The following ULK1 variants were observed in gnomAD, a reference collection of about 807,000 sequenced individuals.
ULK1 encodes the protein serine/threonine-protein kinase ULK1.
ULK1 carries 48 observed loss-of-function variants against 117.5 expected under a neutral mutation model. The ratio of observed to expected loss-of-function variants is 0.41; its 90% confidence interval spans 0.32 to 0.52. ULK1 has a LOEUF of 0.52. Among genes scored for constraint, ULK1 ranks in the 20% least tolerant of loss-of-function variants. The pLI, the probability that ULK1 is intolerant of heterozygous loss-of-function variation, is 0.29. For missense variants in ULK1, 1,387 were observed against 1,473.4 expected, an observed-to-expected ratio of 0.94 and a Z score of 0.96; for synonymous variants, 790 against 637.8, an observed-to-expected ratio of 1.24 and a Z score of -3.60.
rs1199666959 is a variant in ULK1 at position 131,916,863 on chromosome 12, CAT to C, written c.2073-89_2073-88del. On this transcript the variant is annotated intron_variant, in intron 20 of 27. Transcript: ENST00000321867. ...CGAGGTGGGCCAGGAGACCGTGCAT[CAT>C]GTGTGTCTGGCCTGCAGAGGGACCT... The C allele has an allele frequency of 6.6e-6, 8 of 1,212,892 alleles. No individual in the cohort carries two copies. In the Admixed American group the frequency reaches 1.0e-4, roughly 15 times the overall value. The allele number at this position is 1,212,892 out of a possible 1,614,324, so 75.1% of individuals were successfully genotyped here.
chr12:131,895,426 G>T (rs1321715812), intron 1 of ULK1, among the ~76,000 whole-genome samples, 175 bp from the exon 2 acceptor site: 1 of 151,680 alleles, frequency 6.6e-6, no homozygotes, highest in African/African-American at 2.4e-5. Context: ...GGCTTTCGAG[G>T]CTGGATCCCT....
chr12:131,921,087 T>A lies in ULK1; in HGVS notation c.2962-13T>A. On this transcript the variant is annotated splice_polypyrimidine_tract_variant and intron_variant, in intron 26 of 27. Coordinates refer to ENST00000321867, the MANE Select transcript of ULK1 (RefSeq NM_003565.4). Reference sequence around the variant, plus strand: ...GTGAGCTGGCCCTGTCCAGCCTCTGTCCTCGCCCCCAGGTGCAGTCGGCTG... The same window carrying A: ...GTGAGCTGGCCCTGTCCAGCCTCTGACCTCGCCCCCAGGTGCAGTCGGCTG... 6.3e-7 allele frequency: 1 copy of A among 1,581,614 alleles called. No individual in the cohort carries two copies. The highest frequency in any genetic ancestry group is 1.1e-5 in the South Asian group (1 of 89,704).
In ULK1 at chr12:131,921,139, G is replaced by A; in HGVS notation, c.3001G>A (p.Glu1001Lys). The change falls in exon 27 of 28, where the codon GAG becomes AAG. Residue 1001 changes from glutamate (E) to lysine (K), a missense_variant. Physicochemically the swap from Glu to Lys is moderately conservative, Grantham distance 56. Transcript: ENST00000321867. The stretch of plus-strand genomic sequence containing the variant: ...CCTGGACGAGATGTTCCAGCACCGT[G>A]AGGGCTGCGTCCCACGCTACCACAA... ...AALDEMFQHREGCVPRYHKAL... is the reference protein window; with the variant it reads ...AALDEMFQHRKGCVPRYHKAL... 10 of 1,603,338 alleles carry A rather than the reference G, an allele frequency of 6.2e-6. No individual in the cohort carries two copies. The highest frequency in any genetic ancestry group is 8.5e-6 in the Non-Finnish European group (10 of 1,179,668).
intron 1 of ULK1, 135 bp from the exon 2 acceptor site, chr12:131,895,466 C>A: frequency 1.4e-6 from 1 of 731,348 alleles, no homozygotes; most frequent in Non-Finnish European, 2.2e-6. Flanking sequence ...GATCCTCAAC[C>A]TGGCTCCCCA....
intron 8 of ULK1, 22 bp downstream of exon 8, chr12:131,909,259 C>T: frequency 6.5e-7 from 1 of 1,550,094 alleles, no homozygotes; most frequent in Non-Finnish European, 8.7e-7. Flanking sequence ...TGGCCCTGCT[C>T]CCCACGCCGC....
At chr12:131,895,296 A>G (rs1463786846) in intron 1 of ULK1, among the ~76,000 whole-genome samples, 184 bp downstream of exon 1, 8 of 132,800 alleles carry the variant, frequency 6.0e-5, no homozygotes, top group Non-Finnish European at 1.3e-4. Flanking sequence ...TCCAGTTCAG[A>G]CTCCCGCCCC....
In ULK1 at chr12:131,895,608, A is replaced by G. The variant is rs560873224; in HGVS notation, c.119A>G (p.Asp40Gly). 1.9e-6 allele frequency: 3 copies of G among 1,613,806 alleles called. No individual in the cohort carries two copies. Among genetic ancestry groups the G allele is most frequent in the Admixed American group, 3.3e-5 (2 of 59,996 alleles). The change falls in exon 2 of 28, where the codon GAT (aspartate) becomes GGT (glycine). Residue 40 changes from aspartate to glycine, a missense_variant. This residue lies in a region of ULK1 where 224 missense variants were observed against 325.2 expected (regional missense o/e 0.69). Transcript: ENST00000321867. ...TGCACGTTTGGCTTTCAGAAGCACG[A>G]TTTGGAGGTCGCCGTCAAGTGCATT... ...VFKGRHREKH[D>G]LEVAVKCINK...
chr12:131,913,205 G>C lies in ULK1; in HGVS notation c.1104G>C (p.Leu368=). Residue 368 remains leucine, a synonymous_variant, in exon 14 of 28, where the codon CTG becomes CTC. Coordinates refer to ENST00000321867, the MANE Select transcript of ULK1 (RefSeq NM_003565.4). The stretch of plus-strand genomic sequence containing the variant: ...CCTTGTCTCCCCCTGCAGGTGACCT[G>C]GTGGCTGAGGCGCCCAGTGCCAAAC... The part of the protein sequence containing the change: ...VMVPAQFPGD[L]VAEAPSAKPP... The C allele has an allele frequency of 6.3e-7, 1 of 1,585,122 alleles. No homozygotes were observed. Among genetic ancestry groups the C allele is most frequent in the South Asian group, 1.1e-5 (1 of 87,954 alleles).
intron 3 of ULK1, among the ~76,000 whole-genome samples, chr12:131,899,194 A>G (rs1197779252): frequency 1.4e-5 from 2 of 147,184 alleles, no homozygotes; most frequent in East Asian, 2.1e-4. Context: ...TATTTTATAT[A>G]TACGTTTTTC....
chr12:131,906,050 G>A (rs774780281), intron 3 of ULK1, among the ~76,000 whole-genome samples: 26 of 152,170 alleles, frequency 1.7e-4, no homozygotes, highest in African/African-American at 3.9e-4. Context: ...GCTGGAGGCC[G>A]CAGGCCTCTG....
chr12:131,910,920 C>A, intron 12 of ULK1, 120 bp downstream of exon 12: 1 of 1,486,752 alleles, frequency 6.7e-7, no homozygotes, highest in Non-Finnish European at 9.0e-7. Context: ...TCACGAAAGA[C>A]ATGGATGAGT....
At chr12:131,918,849 T>A (rs900297308) in intron 23 of ULK1, among the ~76,000 whole-genome samples, 168 bp downstream of exon 23, 1 of 14,976 alleles carries the variant, frequency 6.7e-5, no homozygotes. Flanking sequence ...GGGTGTCGGG[T>A]GTGTGGGGTG....
In ULK1 at chr12:131,908,889, C is replaced by T. The variant is rs1889396087; in HGVS notation, c.491-9C>T. On this transcript the variant is annotated splice_polypyrimidine_tract_variant and intron_variant, in intron 6 of 27. Coordinates refer to ENST00000321867, the MANE Select transcript of ULK1 (RefSeq NM_003565.4). The stretch of plus-strand genomic sequence containing the variant: ...GGCCGGCGCCGGTCCTGACGCTTCT[C>T]TCCCGCAGCTGACTTCGGCTTCGCG... 2.5e-6 allele frequency: 4 copies of T among 1,610,002 alleles called. No individual in the cohort carries two copies. Among genetic ancestry groups the T allele is most frequent in the Non-Finnish European group, 1.7e-6 (2 of 1,179,690 alleles).
In ULK1 at chr12:131,916,827, C is replaced by T. The variant is rs186250830; in HGVS notation, c.2073-126C>T. Reference sequence around the variant, plus strand: ...CGCCTGTAAGCTGGGGTGACAGGAGCGCCTGCCTCTCGAGGTGGGCCAGGA... The same window carrying T: ...CGCCTGTAAGCTGGGGTGACAGGAGTGCCTGCCTCTCGAGGTGGGCCAGGA... On this transcript the variant is annotated intron_variant, in intron 20 of 27. Transcript: ENST00000321867. The T allele has an allele frequency of 1.5e-3, 1,549 of 1,001,264 alleles. 11 individuals carry two copies. Among genetic ancestry groups the T allele is most frequent in the African/African-American group, 0.015 (933 of 60,776 alleles). 62.0% of individuals were successfully genotyped at this position (1,001,264 alleles called of 1,614,324 possible).
rs533578075 is a variant in ULK1, at chr12:131,902,970, G to A, written c.247-3922G>A. On this transcript the variant is annotated intron_variant, in intron 3 of 27. Coordinates refer to ENST00000321867, the MANE Select transcript of ULK1 (RefSeq NM_003565.4). The surrounding 1 kb of genome is among the most constrained non-coding windows in gnomAD (Gnocchi z 6.3). ...TAGCTGCGAGGCAGACGTGGAGCCC[G>A]ATGCCCTGTGTGGGTTCTGCAAGGC... Among the ~76,000 whole-genome samples, 18 of 152,168 alleles carry A rather than the reference G, an allele frequency of 1.2e-4. No individual in the cohort carries two copies. Among genetic ancestry groups the A allele is most frequent in the East Asian group, 3.9e-4 (2 of 5,172 alleles).
In ULK1 at chr12:131,913,272, C is replaced by T. The variant is rs1889622243; in HGVS notation, c.1157+14C>T. 6.5e-7 allele frequency: 1 copy of T among 1,548,346 alleles called. No homozygotes were observed. The highest frequency in any genetic ancestry group is 2.5e-5 in the East Asian group (1 of 39,324). ...GATGTGCAGTGGGTGAGCCCCCATCCCTTACCTCTGTATTTTAGGGGAGAG... is the reference window on the plus strand; with the variant it reads ...GATGTGCAGTGGGTGAGCCCCCATCTCTTACCTCTGTATTTTAGGGGAGAG... On this transcript the variant is annotated intron_variant, in intron 14 of 27. Coordinates refer to ENST00000321867, the MANE Select transcript of ULK1 (RefSeq NM_003565.4).
intron 3 of ULK1, chr12:131,897,235 T>C (rs1483778163): frequency 6.6e-6 from 1 of 152,212 alleles, no homozygotes; most frequent in Non-Finnish European, 1.5e-5. Flanking sequence ...TGTTGCCCTG[T>C]GTCGGTAAGG....
At chr12:131,907,672 T>A in intron 5 of ULK1, 141 bp downstream of exon 5, 2 of 1,102,524 alleles carry the variant, frequency 1.8e-6, no homozygotes, top group Non-Finnish European at 2.5e-6. Context: ...CTTGTCCCCC[T>A]GGGCCTCTTG....
intron 26 of ULK1, 185 bp downstream of exon 26, chr12:131,920,321 C>T: frequency 1.4e-6 from 1 of 732,114 alleles, no homozygotes; most frequent in Non-Finnish European, 2.2e-6. Context: ...CGGCTGGGTG[C>T]ATCCTTGATT....
Sources: gnomAD v4.1 joint callset for allele counts (sites outside exome capture counted in the v4.1 genomes callset) on GRCh38, gnomAD v4.1.1 for gene constraint, gnomAD v4.1.1 regional missense constraint, Gnocchi (gnomAD v3.1) non-coding constraint, MANE v1.5 for transcripts, NCBI Gene and HGNC (gene_info 2026-07-23, HGNC 2026-07-21) for gene names.